The following TTI1 variants were observed in gnomAD, a reference collection of about 807,000 sequenced individuals.
The protein encoded by TTI1 is TELO2 interacting protein 1.
Under a neutral mutation model 85.4 loss-of-function variants are expected in TTI1, and 52 were observed. The observed-to-expected ratio is 0.61, with a 90% CI of 0.49 to 0.77. The LOEUF (loss-of-function observed/expected upper bound fraction) is 0.77. Ranked by LOEUF, TTI1 falls within the 30% of genes least tolerant of loss-of-function variation. The pLI, the probability that TTI1 is intolerant of heterozygous loss-of-function variation, is 0.00. For synonymous variants in TTI1, 512 were observed against 503.9 expected (o/e 1.02, Z -0.22); for missense variants, 1,173 against 1,296.0 (o/e 0.91, Z 1.46).
chr20:38,012,146 C>T lies in TTI1; in HGVS notation c.1671G>A (p.Val557=), dbSNP rs1238200640. The T allele has an allele frequency of 1.2e-6, 2 of 1,614,042 alleles. No individual in the cohort carries two copies. Among genetic ancestry groups the T allele is most frequent in the African/African-American group, 1.3e-5 (1 of 74,882 alleles). The change falls in exon 2 of 8, where the codon GTG becomes GTA. Residue 557 remains valine (V), a synonymous_variant. Coordinates refer to ENST00000373447, the MANE Select transcript of TTI1 (RefSeq NM_001303457.2). ...KTNPEELREI[V]TSILEEYTSQ... ...TTGTGTATTCTTCAAGTATAGATGT[C>T]ACAATCTCTCTCAGTTCTTCTGGGT...
At chr20:37,999,611 A>C (rs2073392436) in intron 4 of TTI1, among the ~76,000 whole-genome samples, 1 of 152,214 alleles carries the variant, frequency 6.6e-6, no homozygotes, top group African/African-American at 2.4e-5. Flanking sequence ...GGGAAGTCAA[A>C]GGTGAAATGC....
intron 4 of TTI1, 152 bp from the exon 5 acceptor site, chr20:37,999,480 G>T (rs2073390181): frequency 6.0e-6 from 5 of 827,102 alleles, no homozygotes; most frequent in East Asian, 6.7e-5. Context: ...GCTAGGTACT[G>T]AGGGGACACA....
intron 1 of TTI1, among the ~76,000 whole-genome samples, chr20:38,017,386 G>A (rs1228917857): frequency 6.6e-6 from 1 of 150,938 alleles, no homozygotes; most frequent in African/African-American, 2.5e-5. Context: ...TGTTCAGAGG[G>A]AATCAACAAT....
At chr20:37,984,072 C>T (rs974816704) in intron 7 of TTI1, among the ~76,000 whole-genome samples, 39 of 152,156 alleles carry the variant, frequency 2.6e-4, no homozygotes, top group African/African-American at 8.4e-4. Context: ...CTGTCCTGCT[C>T]GGGGGCCCTG....
chr20:38,027,635 A>C (rs2073852951), intron 1 of TTI1, among the ~76,000 whole-genome samples: 1 of 152,188 alleles, frequency 6.6e-6, no homozygotes, highest in Non-Finnish European at 1.5e-5. Context: ...CGTTATTAAG[A>C]AAATCACAGG....
Position 37,983,433 on chromosome 20 carries a change from GC to G in TTI1, c.*22del. On this transcript the variant is annotated 3_prime_UTR_variant, in exon 8 of 8. Coordinates refer to ENST00000373447, the MANE Select transcript of TTI1 (RefSeq NM_001303457.2). ...GCTGGCAGTAGGGGAGGGATCGGTG[GC>G]CTCTGTGGTGGGGGAGCAGGGTCAC... is the stretch of plus-strand genomic sequence containing the variant. The G allele has an allele frequency of 6.2e-7, 1 of 1,604,822 alleles. No homozygotes were observed. Among genetic ancestry groups the G allele is most frequent in the Non-Finnish European group, 8.5e-7 (1 of 1,177,466 alleles).
intron 1 of TTI1, among the ~76,000 whole-genome samples, chr20:38,020,945 A>G (rs1273048543): frequency 2.0e-5 from 3 of 152,242 alleles, no homozygotes; most frequent in Non-Finnish European, 2.9e-5. Flanking sequence ...GGCAGTATCT[A>G]TTATTTCAAA....
At chr20:38,023,814 A>G (rs1165990785) in intron 1 of TTI1, among the ~76,000 whole-genome samples, 1 of 152,248 alleles carries the variant, frequency 6.6e-6, no homozygotes, top group Non-Finnish European at 1.5e-5. Context: ...CTTAGCATAT[A>G]CTATTTGCCC....
chr20:37,996,744 C>G lies in TTI1; in HGVS notation c.2998+5G>C, dbSNP rs970238371. On this transcript the variant is annotated splice_donor_5th_base_variant and intron_variant, in intron 6 of 7. Transcript: ENST00000373447. ...TGTGTTCAGGTGGAACTGCCTGGTA[C>G]CCACCTAGGTCCAGTCTCTCACAGA... The G allele has an allele frequency of 6.2e-7, 1 of 1,601,518 alleles. No individual in the cohort carries two copies. Among genetic ancestry groups the G allele is most frequent in the East Asian group, 2.2e-5 (1 of 44,562 alleles).
At chr20:38,014,337 G>A (rs758340100) in intron 1 of TTI1, among the ~76,000 whole-genome samples, 16 of 152,254 alleles carry the variant, frequency 1.1e-4, no homozygotes, top group Middle Eastern at 6.8e-3. Flanking sequence ...ACCACTTCCC[G>A]AAGTAAGATA....
At chr20:37,987,177 C>T (rs538399527) in intron 7 of TTI1, 2 of 456,740 alleles carry the variant, frequency 4.4e-6, no homozygotes, top group South Asian at 1.5e-5. Context: ...GAGTCCTTAG[C>T]GCCAGGCTTT....
rs774743362 is a variant in TTI1 at position 38,012,221 on chromosome 20, C to G, written c.1596G>C (p.Gly532=). 6.2e-7 allele frequency: 1 copy of G among 1,614,162 alleles called. No individual in the cohort carries two copies. The highest frequency in any genetic ancestry group is 2.2e-5 in the East Asian group (1 of 44,886). Residue 532 remains glycine (G), a synonymous_variant, in exon 2 of 8, where the codon GGG becomes GGC. Transcript: ENST00000373447. ...AAMILNELVT[G]AAGLEVEDLH... ...GATCCTCAACCTCCAGCCCAGCAGC[C>G]CCTGTAACCAGTTCATTAAGGATCA...
chr20:38,008,453 G>A (rs1309956236), intron 2 of TTI1, among the ~76,000 whole-genome samples: 1 of 152,184 alleles, frequency 6.6e-6, no homozygotes, highest in Non-Finnish European at 1.5e-5. Flanking sequence ...AAAGAATGCA[G>A]CAGCACATTC....
At chr20:37,983,746 A>G in intron 7 of TTI1, 107 bp from the exon 8 acceptor site, 2 of 1,067,794 alleles carry the variant, frequency 1.9e-6, no homozygotes, top group Non-Finnish European at 2.5e-6. Flanking sequence ...GAAGAAACTG[A>G]TAACAATATC....
chr20:38,001,135 G>C (rs2073420292), intron 4 of TTI1, among the ~76,000 whole-genome samples: 1 of 152,174 alleles, frequency 6.6e-6, no homozygotes, highest in Non-Finnish European at 1.5e-5. Context: ...GATTGTGTCT[G>C]CATCATCCCC....
chr20:38,001,790 C>T lies in TTI1; in HGVS notation c.2652+838G>A, dbSNP rs541818889. Among the ~76,000 whole-genome samples the T allele has an allele frequency of 5.3e-5, 8 of 152,234 alleles. No homozygotes were observed. The South Asian group carries it at 1.7e-3, about 32-fold the overall frequency. On this transcript the variant is annotated intron_variant, in intron 4 of 7. Transcript: ENST00000373447. ...CTGGAGTGCAATGGCACGATCTTGG[C>T]TCACCACAACCTCTGCCTCCTGGGT...
chr20:37,992,300 G>A lies in TTI1; in HGVS notation c.3086+4075C>T, dbSNP rs142852390. 2.6e-5 allele frequency among the ~76,000 whole-genome samples: 4 copies of A among 151,716 alleles called. No individual in the cohort carries two copies. In the East Asian group the frequency reaches 7.7e-4, roughly 29 times the overall value. On this transcript the variant is annotated intron_variant, in intron 7 of 7. Transcript: ENST00000373447. ...ATCTTCTTCTTTTTTTTTTGAAACA[G>A]GGTCTCACTCTGTTGCCCAGGCTGG...
At chr20:38,026,557 G>A (rs973382680) in intron 1 of TTI1, among the ~76,000 whole-genome samples, 1 of 152,160 alleles carries the variant, frequency 6.6e-6, no homozygotes, top group Non-Finnish European at 1.5e-5. Flanking sequence ...AACAGTCAAC[G>A]CAGAACCATA....
intron 7 of TTI1, among the ~76,000 whole-genome samples, chr20:37,991,872 C>T (rs930688671): frequency 2.0e-5 from 3 of 152,206 alleles, no homozygotes; most frequent in African/African-American, 2.4e-5. Context: ...GACATACTAA[C>T]GTGATTCATC....
Sources: allele counts gnomAD v4.1 joint callset (sites outside exome capture counted in the v4.1 genomes callset), GRCh38; gene constraint gnomAD v4.1.1; transcripts MANE v1.5; gene names NCBI Gene and HGNC (gene_info 2026-07-23, HGNC 2026-07-21).